Variants in TUBGCP5 observed in about 807,000 individuals in gnomAD.
TUBGCP5 encodes the protein gamma-tubulin complex component 5.
TUBGCP5 carries 98 observed loss-of-function variants against 134.7 expected under a neutral mutation model. That is an observed-to-expected ratio of 0.73 (90% CI 0.62 to 0.86). TUBGCP5 has a LOEUF of 0.86. Among genes scored for constraint, TUBGCP5 ranks in the 40% least tolerant of loss-of-function variants. The pLI is 0.00. For missense variants in TUBGCP5, 1,150 were observed against 1,244.8 expected (o/e 0.92, Z 1.15); for synonymous variants, 456 against 431.4 (o/e 1.06, Z -0.71).
intron 6 of TUBGCP5, among the ~76,000 whole-genome samples, chr15:23,027,638 C>T (rs139115413): frequency 1.1e-4 from 17 of 151,696 alleles, no homozygotes; most frequent in South Asian, 2.1e-4. Context: ...TGCTTGTTCT[C>T]GGGAGGCTGA....
Position 23,023,987 on chromosome 15 carries a change from T to C in TUBGCP5, c.1128A>G (p.Lys376=). ...ACTTCTCAATTTCTGCAAGTTCCTC[T>C]TTGAAACTAATGAAATATTTGTACA... ...WALYKYFISF[K]EELAEIEKCI... Residue 376 remains lysine (K), a synonymous_variant, in exon 10 of 23, where the codon AAA becomes AAG. Coordinates refer to ENST00000615383, the MANE Select transcript of TUBGCP5 (RefSeq NM_052903.6). 1 of 1,614,074 alleles carries C rather than the reference T, an allele frequency of 6.2e-7. No individual in the cohort carries two copies. Among genetic ancestry groups the C allele is most frequent in the East Asian group, 2.2e-5 (1 of 44,878 alleles).
chr15:23,026,294 CTT>C, intron 7 of TUBGCP5, 89 bp from the exon 8 acceptor site: 1 of 1,143,964 alleles, frequency 8.7e-7, no homozygotes, highest in African/African-American at 1.5e-5. Flanking sequence ...TTAGTGCTAA[CTT>C]AAGTAGCAAT....
At chr15:22,997,454 G>T (rs901903210), downstream of TUBGCP5, among the ~76,000 whole-genome samples, 1 of 151,816 alleles carries the variant, frequency 6.6e-6, no homozygotes, top group Non-Finnish European at 1.5e-5. Context: ...TGCTGGGACT[G>T]CAGGCATGAG....
rs757678167 is a variant in TUBGCP5 at position 23,008,862 on chromosome 15, C to G, written c.2164G>C (p.Ala722Pro). The change falls in exon 16 of 23, where the codon GCT becomes CCT. Residue 722 changes from alanine to proline, a missense_variant. Transcript: ENST00000615383. Reference protein sequence around the residue: ...KDYRLVEYLQAMRNFFLMEGG... With the variant: ...KDYRLVEYLQPMRNFFLMEGG... The stretch of plus-strand genomic sequence containing the variant: ...TCCATTAAGAAAAAATTCCTCATAG[C>G]TTGCAAGTATTCTACCAACCTGAAT... The G allele has an allele frequency of 7.6e-6, 12 of 1,574,490 alleles. No homozygotes were observed. Among genetic ancestry groups the G allele is most frequent in the Non-Finnish European group, 1.0e-5 (12 of 1,167,864 alleles).
chr15:23,038,390 T>C (rs9672330), intron 1 of TUBGCP5, among the ~76,000 whole-genome samples: 5,665 of 152,298 alleles, frequency 0.037, 351 homozygotes, highest in African/African-American at 0.13. Context: ...TACTGTCATT[T>C]AGAAATATTA....
chr15:22,985,977 CA>C (rs1307114699), intron 23 of TUBGCP5, among the ~76,000 whole-genome samples: 1 of 150,916 alleles, frequency 6.6e-6, no homozygotes, highest in Non-Finnish European at 1.5e-5. Context: ...ATCAAAAATA[CA>C]AAAAAATTAG....
chr15:23,008,986 C>T, intron 15 of TUBGCP5, 105 bp from the exon 16 acceptor site: 1 of 835,888 alleles, frequency 1.2e-6, no homozygotes, highest in Non-Finnish European at 1.8e-6. Context: ...AACAAGTTTA[C>T]ATTCTACATT....
At chr15:23,006,955 A>G (rs2064749890) in intron 16 of TUBGCP5, among the ~76,000 whole-genome samples, 1 of 152,162 alleles carries the variant, frequency 6.6e-6, no homozygotes, top group Non-Finnish European at 1.5e-5. Flanking sequence ...GTGGTTCCTG[A>G]GAAATGATGT....
Position 23,005,551 on chromosome 15 carries a change from T to G in TUBGCP5, c.2593A>C (p.Thr865Pro). The G allele has an allele frequency of 6.2e-7, 1 of 1,614,168 alleles. No homozygotes were observed. Among genetic ancestry groups the G allele is most frequent in the East Asian group, 2.2e-5 (1 of 44,888 alleles). ...TTTTGTGGTCCGAACTGAGCAACTG[T>G]GTCTTGTTCATGTATAAGGCCTTCT... ...LKEGLIHEQD[T>P]VAQFGPQKEP... Residue 865 changes from threonine (T) to proline (P), a missense_variant, in exon 19 of 23, where the codon ACA (threonine) becomes CCA (proline). By Grantham distance (38) the Thr-to-Pro change is conservative. This residue lies in a region of TUBGCP5 where 697 missense variants were observed against 850.1 expected (regional missense o/e 0.82). Transcript: ENST00000615383.
intron 1 of TUBGCP5, among the ~76,000 whole-genome samples, chr15:23,037,822 GAA>G (rs2066682424): frequency 6.6e-6 from 1 of 152,192 alleles, no homozygotes; most frequent in African/African-American, 2.4e-5. Context: ...TTCAGTTAGA[GAA>G]AAGTGAGCTT....
chr15:23,006,424 G>C lies in TUBGCP5; in HGVS notation c.2328-72C>G, dbSNP rs1423246739. The C allele has an allele frequency of 2.3e-5, 24 of 1,050,334 alleles. No individual in the cohort carries two copies. The East Asian group carries it at 3.9e-4, about 17-fold the overall frequency. The allele number at this position is 1,050,334 out of a possible 1,614,324, so 65.1% of individuals were successfully genotyped here. A position where few individuals can be genotyped will look rare whatever the true frequency, so the allele number is the denominator to read the frequency against. Reference sequence around the variant, plus strand: ...ACAAAAATGCTCTTTTAAAATAATTGGTATTTCATTTACATAATATTCCCC... The same window carrying C: ...ACAAAAATGCTCTTTTAAAATAATTCGTATTTCATTTACATAATATTCCCC... On this transcript the variant is annotated intron_variant, in intron 16 of 22. Coordinates refer to ENST00000615383, the MANE Select transcript of TUBGCP5 (RefSeq NM_052903.6).
Position 22,999,720 on chromosome 15 carries a change from A to C in TUBGCP5, c.*100T>G. The C allele has an allele frequency of 7.1e-7, 1 of 1,405,970 alleles. No homozygotes were observed. The highest frequency in any genetic ancestry group is 1.2e-5 in the South Asian group (1 of 85,902). 87.1% of individuals were successfully genotyped at this position (1,405,970 alleles called of 1,614,324 possible). On this transcript the variant is annotated 3_prime_UTR_variant, in exon 23 of 23. Coordinates refer to ENST00000615383, the MANE Select transcript of TUBGCP5 (RefSeq NM_052903.6). ...CAGGCTGACTGTGGACAAGTTTTAC[A>C]AATAAACCAAAATAAAAATATTTTC...
intron 12 of TUBGCP5, among the ~76,000 whole-genome samples, chr15:23,018,821 AGAGAAATAAATATATTAGAGGCATAC>A (rs2065489789): frequency 6.6e-6 from 1 of 152,194 alleles, no homozygotes; most frequent in South Asian, 2.1e-4. Context: ...TAGATAATTC[AGAGAAATAAATATATTAGAGGCATAC>A]TCTGTAATAT....
chr15:23,024,519 T>C, intron 9 of TUBGCP5: 1 of 445,270 alleles, frequency 2.2e-6, no homozygotes, highest in Non-Finnish European at 3.9e-6. Flanking sequence ...AAATTAAATA[T>C]GTTCCAAACA....
intron 23 of TUBGCP5, among the ~76,000 whole-genome samples, chr15:22,984,133 GAAATAAAATA>G (rs934347160): frequency 6.6e-6 from 1 of 151,800 alleles, no homozygotes; most frequent in African/African-American, 2.4e-5. Flanking sequence ...AAAATAGAAC[GAAATAAAATA>G]AAATAAAATA....
At chr15:22,987,329 T>G (rs899013340) in intron 23 of TUBGCP5, among the ~76,000 whole-genome samples, 3 of 123,382 alleles carry the variant, frequency 2.4e-5, no homozygotes. Context: ...AGAGCAAAAC[T>G]CCATCTCAAA....
chr15:23,028,347 T>C (rs1350166893), intron 6 of TUBGCP5, among the ~76,000 whole-genome samples: 2 of 127,004 alleles, frequency 1.6e-5, no homozygotes, highest in Admixed American at 1.9e-4. Flanking sequence ...GCTACTGCAC[T>C]CCAGCCTGGG....
chr15:22,998,727 G>A (rs2064208986), downstream of TUBGCP5, among the ~76,000 whole-genome samples: 1 of 151,634 alleles, frequency 6.6e-6, no homozygotes. Flanking sequence ...TGATTCTCCT[G>A]CCTCAGCCTC....
chr15:22,985,410 G>T (rs1336486028), intron 23 of TUBGCP5, among the ~76,000 whole-genome samples: 1 of 151,750 alleles, frequency 6.6e-6, no homozygotes, highest in Non-Finnish European at 1.5e-5. Context: ...TAGAGATGGG[G>T]TTTCTCCATG....
Sources: allele counts gnomAD v4.1 joint callset (sites outside exome capture counted in the v4.1 genomes callset), GRCh38; gene constraint gnomAD v4.1.1; regional missense constraint gnomAD v4.1.1; transcripts MANE v1.5; gene names NCBI Gene and HGNC (gene_info 2026-07-23, HGNC 2026-07-21).